The following SPATA13 variants were observed in gnomAD, a reference collection of about 807,000 sequenced individuals.
The protein encoded by SPATA13 is spermatogenesis-associated protein 13.
SPATA13 carries 50 observed loss-of-function variants against 104.0 expected under a neutral mutation model. The observed-to-expected ratio is 0.48, with a 90% confidence interval of 0.38 to 0.61. SPATA13 has a LOEUF of 0.61. SPATA13 is among the 20% of genes least tolerant of loss of function. The pLI, the probability that SPATA13 is intolerant of heterozygous loss-of-function variation, is 0.00. For missense variants in SPATA13, 1,524 were observed against 1,690.6 expected (o/e 0.90, Z 1.73); for synonymous variants, 606 against 667.5 (o/e 0.91, Z 1.42).
At chr13:24,132,615 G>A (rs1023115219) in intron 3 of SPATA13, among the ~76,000 whole-genome samples, 1 of 152,196 alleles carries the variant, frequency 6.6e-6, no homozygotes, top group Non-Finnish European at 1.5e-5. Flanking sequence ...AAAGAAAGGG[G>A]TTAATTCAGT....
intron 1 of SPATA13, among the ~76,000 whole-genome samples, chr13:24,188,733 G>A (rs1869315002): frequency 6.6e-6 from 1 of 152,182 alleles, no homozygotes; most frequent in Non-Finnish European, 1.5e-5. Context: ...AGACAAAACA[G>A]CCTTCTAGAG....
At chr13:24,301,097 AAATCTGGCCCAACAGGATGCAGAT>A (rs1434814462) in intron 12 of SPATA13, among the ~76,000 whole-genome samples, 13 of 152,148 alleles carry the variant, frequency 8.5e-5, no homozygotes, top group Non-Finnish European at 1.5e-4. Flanking sequence ...TTGTCCACAC[AAATCTGGCCCAACAGGATGCAGAT>A]AATCTGGCCC....
intron 2 of SPATA13, among the ~76,000 whole-genome samples, chr13:24,247,249 G>C (rs1205324918): frequency 1.3e-5 from 2 of 152,170 alleles, no homozygotes; most frequent in Non-Finnish European, 2.9e-5. Context: ...GAAGTTGCTG[G>C]AACCTGCACG....
intron 4 of SPATA13, among the ~76,000 whole-genome samples, chr13:24,276,232 G>C (rs1475350499): frequency 6.6e-6 from 1 of 152,056 alleles, no homozygotes; most frequent in Non-Finnish European, 1.5e-5. Context: ...AACAGAATGT[G>C]GTGTGTATAC....
intron 5 of SPATA13, among the ~76,000 whole-genome samples, chr13:24,284,642 C>A (rs561417041): frequency 6.6e-6 from 1 of 152,030 alleles, no homozygotes; most frequent in African/African-American, 2.4e-5. Flanking sequence ...CCAGCCTGGG[C>A]GACAGAGCGA....
chr13:24,259,521 T>C (rs1438137502), intron 4 of SPATA13, among the ~76,000 whole-genome samples: 1 of 152,260 alleles, frequency 6.6e-6, no homozygotes, highest in Admixed American at 6.5e-5. Flanking sequence ...TGACATTCTT[T>C]CCCTGTCTAC....
At chr13:24,287,055 A>G in intron 7 of SPATA13, 105 bp downstream of exon 7, 1 of 833,440 alleles carries the variant, frequency 1.2e-6, no homozygotes, top group African/African-American at 2.8e-5. Context: ...TCAGGCTCCC[A>G]CATGTATGCT....
intron 3 of SPATA13, among the ~76,000 whole-genome samples, chr13:24,043,723 T>C (rs767326278): frequency 2.0e-5 from 3 of 152,214 alleles, no homozygotes; most frequent in African/African-American, 4.8e-5. Context: ...GATGAAATAT[T>C]GGGCATGGCC....
intron 3 of SPATA13, among the ~76,000 whole-genome samples, chr13:24,125,911 T>C (rs1468191533): frequency 1.3e-5 from 2 of 152,192 alleles, no homozygotes; most frequent in Non-Finnish European, 2.9e-5. Flanking sequence ...CTCTGGAATG[T>C]GGATTTCAAA....
intron 3 of SPATA13, among the ~76,000 whole-genome samples, chr13:24,049,137 C>T (rs575550352): frequency 6.6e-6 from 1 of 152,318 alleles, no homozygotes; most frequent in Non-Finnish European, 1.5e-5. Flanking sequence ...TGTATTGATT[C>T]TCCAGTTGTT....
At chr13:24,046,706 C>T (rs75836977) in intron 3 of SPATA13, among the ~76,000 whole-genome samples, 5,506 of 151,618 alleles carry the variant, frequency 0.036, 146 homozygotes, top group South Asian at 0.056. Context: ...ATTTGGGTTT[C>T]CTGTTTGAGG....
intron 3 of SPATA13, chr13:24,122,091 C>A: frequency 1.2e-6 from 2 of 1,609,738 alleles, no homozygotes; most frequent in Non-Finnish European, 8.5e-7. Flanking sequence ...GCTGGGCCTC[C>A]AAAATTGAAA....
chr13:24,241,189 CA>C (rs1423760716), intron 2 of SPATA13, among the ~76,000 whole-genome samples: 3 of 152,114 alleles, frequency 2.0e-5, no homozygotes, highest in Non-Finnish European at 4.4e-5. Context: ...GAGTGTAGCC[CA>C]GAGTTATTAT....
Position 24,284,222 on chromosome 13 carries a change from C to T in SPATA13, c.2252C>T (p.Ala751Val), listed in dbSNP as rs1349953532. ...EDFSYEDLCQ[A>V]SPRYLQPGGE... ...TTCAGCTATGAAGACCTCTGCCAGG[C>T]CAGCCCTCGGTACCTGCAGCCCGGC... The change falls in exon 5 of 13, where the codon GCC becomes GTC. Residue 751 changes from alanine (A) to valine (V), a missense_variant. Ala to Val is a moderately conservative substitution (Grantham distance 64). Around this residue, in one of 2 missense-constraint regions of SPATA13, gnomAD observed 1,089 missense variants for 1,135.9 expected, o/e 0.96. Coordinates refer to ENST00000382108, the MANE Select transcript of SPATA13 (RefSeq NM_001166271.3). 6.2e-7 allele frequency: 1 copy of T among 1,613,586 alleles called. No individual in the cohort carries two copies. The highest frequency in any genetic ancestry group is 8.5e-7 in the Non-Finnish European group (1 of 1,179,902).
intron 3 of SPATA13, among the ~76,000 whole-genome samples, chr13:24,141,526 C>T (rs1355379542): frequency 6.6e-6 from 1 of 152,196 alleles, no homozygotes; most frequent in African/African-American, 2.4e-5. Context: ...ATCCTTCTCT[C>T]TCCTGTGATC....
At chr13:24,165,932 A>G (rs1328521655) in intron 1 of SPATA13, among the ~76,000 whole-genome samples, 1 of 152,192 alleles carries the variant, frequency 6.6e-6, no homozygotes, top group Non-Finnish European at 1.5e-5. Context: ...TTTTAAACAC[A>G]TCCGGGTTGT....
At chr13:24,127,083 G>A (rs914536105) in intron 3 of SPATA13, among the ~76,000 whole-genome samples, 1 of 152,192 alleles carries the variant, frequency 6.6e-6, no homozygotes, top group African/African-American at 2.4e-5. Context: ...AAGCATTGAG[G>A]ATTTAAGTGG....
chr13:24,066,528 A>G (rs1235025684), intron 3 of SPATA13, among the ~76,000 whole-genome samples: 1 of 152,036 alleles, frequency 6.6e-6, no homozygotes, highest in Admixed American at 6.5e-5. Flanking sequence ...CCTGGGACAA[A>G]CCTGTCTTTG....
intron 11 of SPATA13, 51 bp downstream of exon 11, chr13:24,297,786 G>A (rs1189113154): frequency 1.3e-6 from 2 of 1,558,802 alleles, no homozygotes. Context: ...TGCTGTAATA[G>A]CTTCATTCTC....
Sources: gnomAD v4.1 joint callset for allele counts (sites outside exome capture counted in the v4.1 genomes callset) on GRCh38, gnomAD v4.1.1 for gene constraint, gnomAD v4.1.1 regional missense constraint, MANE v1.5 for transcripts, NCBI Gene and HGNC (gene_info 2026-07-23, HGNC 2026-07-21) for gene names.